The following FARS2 variants were observed in gnomAD, a reference collection of about 807,000 sequenced individuals.
The protein encoded by FARS2 is phenylalanine--tRNA ligase, mitochondrial.
FARS2 carries 40 observed loss-of-function variants against 46.4 expected under a neutral mutation model. The ratio of observed to expected loss-of-function variants is 0.86; its 90% CI spans 0.67 to 1.12. The LOEUF (loss-of-function observed/expected upper bound fraction) is 1.12, where lower values mean the gene tolerates loss of function less well. Among genes scored for constraint, FARS2 ranks in the 50% most tolerant of loss-of-function variants. The probability of loss-of-function intolerance (pLI) is 0.00; values close to 1 mark genes in which losing one functional copy is unlikely to be tolerated. For synonymous variants in FARS2, 234 were observed against 214.9 expected (o/e 1.09, Z -0.78); for missense variants, 513 against 567.9 (o/e 0.90, Z 0.98).
intron 1 of FARS2, among the ~76,000 whole-genome samples, chr6:5,324,917 G>A (rs1770253877): frequency 6.6e-6 from 1 of 151,974 alleles, no homozygotes; most frequent in Non-Finnish European, 1.5e-5. Flanking sequence ...AGAGCATCAT[G>A]TTGAGAGACA....
chr6:5,259,687 A>G (rs184806230), upstream of FARS2, among the ~76,000 whole-genome samples: 1 of 152,172 alleles, frequency 6.6e-6, no homozygotes, highest in African/African-American at 2.4e-5. Context: ...CATCCAATCC[A>G]CAGTCTGGCC....
intron 6 of FARS2, among the ~76,000 whole-genome samples, chr6:5,656,449 C>G (rs1777609576): frequency 6.6e-6 from 1 of 152,210 alleles, no homozygotes; most frequent in South Asian, 2.1e-4. Flanking sequence ...CCAGGGTCCA[C>G]TTCACTGTTA....
chr6:5,381,149 C>T (rs550102404), intron 2 of FARS2, among the ~76,000 whole-genome samples: 5 of 151,796 alleles, frequency 3.3e-5, no homozygotes, highest in Admixed American at 2.6e-4. Context: ...TATAGGTTCC[C>T]GCCACCACAC....
chr6:5,746,166 A>T (rs1349393047), intron 6 of FARS2, among the ~76,000 whole-genome samples: 2 of 152,250 alleles, frequency 1.3e-5, no homozygotes, highest in African/African-American at 4.8e-5. Flanking sequence ...GCCGGCAGAT[A>T]ATTATCCTTT....
intron 6 of FARS2, among the ~76,000 whole-genome samples, chr6:5,681,308 GA>G (rs200238415): frequency 2.6e-5 from 4 of 151,188 alleles, no homozygotes; most frequent in South Asian, 2.1e-4. Context: ...GTGCACCTTT[GA>G]AAAAAAAAGT....
intron 1 of FARS2, among the ~76,000 whole-genome samples, chr6:5,289,166 C>T (rs531672280): frequency 6.6e-6 from 1 of 152,126 alleles, no homozygotes; most frequent in Non-Finnish European, 1.5e-5. Flanking sequence ...AATCAAATTC[C>T]AGATTTAAGC....
intron 1 of FARS2, among the ~76,000 whole-genome samples, chr6:5,310,221 A>T (rs1040773175): frequency 1.3e-5 from 2 of 152,178 alleles, no homozygotes; most frequent in African/African-American, 4.8e-5. Flanking sequence ...CATTCTTTAT[A>T]CCCAAGAAAA....
chr6:5,701,908 A>G (rs1758464291), intron 6 of FARS2, among the ~76,000 whole-genome samples: 1 of 152,212 alleles, frequency 6.6e-6, no homozygotes, highest in African/African-American at 2.4e-5. Context: ...TATACGGTAA[A>G]TATTAAAATA....
At chr6:5,686,212 A>G (rs1757186170) in intron 6 of FARS2, among the ~76,000 whole-genome samples, 1 of 119,136 alleles carries the variant, frequency 8.4e-6, no homozygotes, top group Non-Finnish European at 1.9e-5. Context: ...TTTTTTAATT[A>G]TTATTATACT....
chr6:5,341,215 ATATATATATATATATATATATTTTT>A (rs1347231915), intron 1 of FARS2, among the ~76,000 whole-genome samples: 381 of 8,404 alleles, frequency 0.045, 35 homozygotes, highest in Admixed American at 0.2. Context: ...ATATATATAT[ATATATATATATATATATATATTTTT>A]TTTTTTTTTT....
At chr6:5,602,075 G>A (rs550916323) in intron 5 of FARS2, among the ~76,000 whole-genome samples, 2 of 152,198 alleles carry the variant, frequency 1.3e-5, no homozygotes, top group South Asian at 2.1e-4. Flanking sequence ...CTAAAGGGAA[G>A]GAAACCAGAG....
At chr6:5,629,206 A>C (rs187217270) in intron 6 of FARS2, among the ~76,000 whole-genome samples, 1 of 152,340 alleles carries the variant, frequency 6.6e-6, no homozygotes, top group East Asian at 1.9e-4. Flanking sequence ...CTTTTAAAAA[A>C]TGAGTGCTTG....
intron 6 of FARS2, among the ~76,000 whole-genome samples, chr6:5,648,855 A>G (rs1224417973): frequency 6.6e-6 from 1 of 152,132 alleles, no homozygotes; most frequent in Non-Finnish European, 1.5e-5. Context: ...GGGAAGAAGG[A>G]TTTTGTCTCC....
intron 1 of FARS2, among the ~76,000 whole-genome samples, chr6:5,348,135 A>T (rs1757350571): frequency 6.6e-6 from 1 of 152,150 alleles, no homozygotes; most frequent in African/African-American, 2.4e-5. Flanking sequence ...ATTTTCCCAA[A>T]GATGTCTTTT....
At chr6:5,488,196 C>A (rs921231726) in intron 4 of FARS2, among the ~76,000 whole-genome samples, 2 of 152,164 alleles carry the variant, frequency 1.3e-5, no homozygotes, top group Non-Finnish European at 2.9e-5. Context: ...TTGATCCCAA[C>A]TTTCCCCTAA....
intron 4 of FARS2, among the ~76,000 whole-genome samples, chr6:5,489,055 A>G (rs989313713): frequency 1.3e-5 from 2 of 152,172 alleles, no homozygotes; most frequent in African/African-American, 2.4e-5. Context: ...AGTAAATTAT[A>G]TATCTAGTGT....
At position 5,771,368 on chromosome 6, in the gene FARS2, A is replaced by T. The variant is rs559504494; in HGVS notation, c.1295A>T (p.His432Leu). The change falls in exon 7 of 7, where the codon CAC becomes CTC. Residue 432 changes from histidine to leucine, a missense_variant. His to Leu is a moderately conservative substitution (Grantham distance 99, BLOSUM62 -3). Coordinates refer to ENST00000274680, the MANE Select transcript of FARS2 (RefSeq NM_006567.5). Reference sequence around the variant, plus strand: ...ACTCTGTCCCAGAGAGAGGTCAGGCACATCCACCAGGCCTTGCAGGAGGCT... The same window carrying T: ...ACTCTGTCCCAGAGAGAGGTCAGGCTCATCCACCAGGCCTTGCAGGAGGCT... ...ERTLSQREVR[H>L]IHQALQEAAV... 1.3e-5 allele frequency: 21 copies of T among 1,614,104 alleles called. No homozygotes were observed. The highest frequency in any genetic ancestry group is 1.7e-5 in the Non-Finnish European group (20 of 1,180,040).
chr6:5,355,063 G>T (rs947345898), intron 1 of FARS2, among the ~76,000 whole-genome samples: 1 of 152,038 alleles, frequency 6.6e-6, no homozygotes, highest in African/African-American at 2.4e-5. Context: ...CATAACTTGT[G>T]TGTAAAACGT....
At chr6:5,432,892 C>T (rs887882001) in intron 4 of FARS2, among the ~76,000 whole-genome samples, 4 of 152,130 alleles carry the variant, frequency 2.6e-5, no homozygotes, top group Non-Finnish European at 5.9e-5. Context: ...TGTGTTACCT[C>T]GGCTGGGAGA....
Sources: allele counts gnomAD v4.1 joint callset (sites outside exome capture counted in the v4.1 genomes callset), GRCh38; gene constraint gnomAD v4.1.1; transcripts MANE v1.5; gene names NCBI Gene and HGNC (gene_info 2026-07-23, HGNC 2026-07-21).